SHC3: variants seen among roughly 807,000 people sequenced by gnomAD.
The protein encoded by SHC3 is SHC adaptor protein 3.
SHC3 carries 15 observed loss-of-function variants against 60.4 expected under a neutral mutation model. That is an observed-to-expected ratio of 0.25 (90% CI 0.17 to 0.38). The LOEUF is 0.38. SHC3 is among the 10% of genes least tolerant of loss of function. The probability of loss-of-function intolerance (pLI) is 1.00; values close to 1 mark genes in which losing one functional copy is unlikely to be tolerated. For synonymous variants in SHC3, 294 were observed against 325.9 expected, an observed-to-expected ratio of 0.90 and a Z score of 1.05; for missense variants, 677 against 786.1, an observed-to-expected ratio of 0.86 and a Z score of 1.66.
intron 2 of SHC3, among the ~76,000 whole-genome samples, chr9:89,107,395 C>A (rs1415256209): frequency 1.3e-5 from 2 of 152,196 alleles, no homozygotes; most frequent in African/African-American, 2.4e-5. Flanking sequence ...CATTTTTGCA[C>A]ACAAATGCCC....
At chr9:89,050,163 A>T (rs1411742071) in intron 7 of SHC3, among the ~76,000 whole-genome samples, 1 of 152,208 alleles carries the variant, frequency 6.6e-6, no homozygotes, top group Non-Finnish European at 1.5e-5. Flanking sequence ...TTTTATTATA[A>T]AATGGTGTAG....
chr9:89,080,510 C>A (rs1000153529), intron 2 of SHC3, among the ~76,000 whole-genome samples: 5 of 152,068 alleles, frequency 3.3e-5, no homozygotes, highest in African/African-American at 1.2e-4. Context: ...TACAGCCCAT[C>A]CCAAGGCCCC....
chr9:89,035,783 C>G (rs766861509), intron 11 of SHC3, among the ~76,000 whole-genome samples: 1 of 143,700 alleles, frequency 7.0e-6, no homozygotes, highest in East Asian at 2.2e-4. Flanking sequence ...ATGGAGAAAA[C>G]CTGTCTCTAC....
intron 2 of SHC3, among the ~76,000 whole-genome samples, chr9:89,104,634 C>T (rs1452076373): frequency 2.6e-5 from 4 of 152,180 alleles, no homozygotes; most frequent in African/African-American, 9.7e-5. Context: ...TTTCCCACTG[C>T]TGTGATGACA....
chr9:89,051,026 G>A (rs574055611), intron 7 of SHC3, among the ~76,000 whole-genome samples: 7 of 152,042 alleles, frequency 4.6e-5, no homozygotes, highest in East Asian at 1.9e-4. Context: ...CAAAATGAAT[G>A]TCTTAAACGG....
At chr9:89,089,257 G>C (rs965298611) in intron 2 of SHC3, among the ~76,000 whole-genome samples, 2 of 152,204 alleles carry the variant, frequency 1.3e-5, no homozygotes, top group African/African-American at 4.8e-5. Context: ...AAGCCCCACT[G>C]ATAGAATTGG....
At chr9:89,107,811 A>G (rs1377830273) in intron 2 of SHC3, among the ~76,000 whole-genome samples, 1 of 152,230 alleles carries the variant, frequency 6.6e-6, no homozygotes, top group Non-Finnish European at 1.5e-5. Flanking sequence ...GAGAATCTAC[A>G]AAAATAGATT....
At chr9:89,093,089 C>T (rs541850003) in intron 2 of SHC3, among the ~76,000 whole-genome samples, 10 of 152,264 alleles carry the variant, frequency 6.6e-5, no homozygotes, top group Middle Eastern at 6.8e-3. Flanking sequence ...ATTTTTATTG[C>T]TGAATAGCAT....
intron 11 of SHC3, among the ~76,000 whole-genome samples, chr9:89,016,908 C>T (rs746687582): frequency 6.6e-6 from 1 of 152,128 alleles, no homozygotes; most frequent in Non-Finnish European, 1.5e-5. Context: ...AGAAAAATCA[C>T]ATGATCATAT....
intron 7 of SHC3, among the ~76,000 whole-genome samples, chr9:89,048,047 C>G (rs146460643): frequency 0.017 from 2,553 of 152,150 alleles, 68 homozygotes; most frequent in African/African-American, 0.058. Context: ...AGTTCAAGAC[C>G]AGCCTGAGCA....
chr9:89,036,435 C>A (rs577625376), intron 11 of SHC3, among the ~76,000 whole-genome samples: 5 of 152,246 alleles, frequency 3.3e-5, no homozygotes, highest in African/African-American at 1.2e-4. Flanking sequence ...CAAATGCAAG[C>A]CCTAGGGAAA....
In SHC3 at chr9:89,028,907, T is replaced by C. The variant is rs1223514368; in HGVS notation, c.1656+9086A>G. 2.0e-5 allele frequency among the ~76,000 whole-genome samples: 3 copies of C among 147,908 alleles called. No homozygotes were observed. In the Admixed American group the frequency reaches 2.0e-4, roughly 10 times the overall value. ...GATATAATCTATATCTATTAATCTA[T>C]ATCTATTAATATAAGTTTTTTAACT... On this transcript the variant is annotated intron_variant, in intron 11 of 11. Coordinates refer to ENST00000375835, the MANE Select transcript of SHC3 (RefSeq NM_016848.6).
intron 11 of SHC3, among the ~76,000 whole-genome samples, chr9:89,024,800 G>C (rs972660112): frequency 5.3e-5 from 8 of 152,202 alleles, no homozygotes; most frequent in African/African-American, 1.9e-4. Flanking sequence ...CCTCCTGCAG[G>C]GTGGGCTGGG....
At position 89,089,760 on chromosome 9, in the gene SHC3, G is replaced by A. The variant is rs904452076; in HGVS notation, c.546-11857C>T. On this transcript the variant is annotated intron_variant, in intron 2 of 11. Transcript: ENST00000375835. ...CAAGTCTTCTTGGGGGCATGAGGAT[G>A]GGGAGGGGTCAGAGCCCACAGGAGC... 1.6e-4 allele frequency among the ~76,000 whole-genome samples: 25 copies of A among 152,314 alleles called. No individual in the cohort carries two copies. In the Middle Eastern group the frequency reaches 0.014, roughly 83 times the overall value.
chr9:89,163,145 G>A (rs1410687063), intron 1 of SHC3, among the ~76,000 whole-genome samples: 5 of 149,956 alleles, frequency 3.3e-5, no homozygotes, highest in Non-Finnish European at 5.9e-5. Context: ...CACTGTTGGT[G>A]GGACTGTAAA....
At chr9:89,146,740 G>C (rs1207472950) in intron 1 of SHC3, among the ~76,000 whole-genome samples, 1 of 152,154 alleles carries the variant, frequency 6.6e-6, no homozygotes, top group Non-Finnish European at 1.5e-5. Flanking sequence ...TAAAACTTAA[G>C]GTCATTTGTA....
intron 1 of SHC3, among the ~76,000 whole-genome samples, chr9:89,164,108 T>C (rs1266798196): frequency 2.0e-5 from 3 of 152,106 alleles, no homozygotes; most frequent in Non-Finnish European, 4.4e-5. Context: ...ATATCACATA[T>C]CAAAATTCAT....
intron 9 of SHC3, among the ~76,000 whole-genome samples, chr9:89,043,011 G>T (rs997292626): frequency 6.6e-6 from 1 of 152,170 alleles, no homozygotes; most frequent in Non-Finnish European, 1.5e-5. Context: ...GAGTCTTTTT[G>T]TGTGTGCGCC....
chr9:89,040,945 T>C (rs1226379367), intron 10 of SHC3, among the ~76,000 whole-genome samples: 3 of 152,232 alleles, frequency 2.0e-5, no homozygotes, highest in African/African-American at 4.8e-5. Context: ...ATCACAGATA[T>C]TGGACCAGCA....
Sources: allele counts gnomAD v4.1 joint callset (sites outside exome capture counted in the v4.1 genomes callset), GRCh38; gene constraint gnomAD v4.1.1; transcripts MANE v1.5; gene names NCBI Gene and HGNC (gene_info 2026-07-23, HGNC 2026-07-21).